OSBPL3: variants seen among roughly 807,000 people sequenced by gnomAD.
OSBPL3 encodes the protein oxysterol binding protein like 3, also known as oxysterol-binding protein-related protein 3.
OSBPL3 carries 65 observed loss-of-function variants against 120.1 expected under a neutral mutation model. The ratio of observed to expected loss-of-function variants is 0.54; its 90% CI spans 0.44 to 0.67. OSBPL3 has a LOEUF of 0.67. Ranked by LOEUF, OSBPL3 falls within the 30% of genes least tolerant of loss-of-function variation. The pLI is 0.00. For missense variants in OSBPL3, 1,004 were observed against 1,082.1 expected (o/e 0.93, Z 1.01); for synonymous variants, 416 against 402.6 (o/e 1.03, Z -0.40).
At chr7:24,870,899 C>G (rs886962940) in intron 4 of OSBPL3, 54 bp from the exon 5 acceptor site, 2 of 1,108,680 alleles carry the variant, frequency 1.8e-6, no homozygotes, top group African/African-American at 1.5e-5. Context: ...AAGCAGTAGT[C>G]ACATCCCTGA....
chr7:24,866,220 G>T lies in OSBPL3; in HGVS notation c.399C>A (p.Val133=), dbSNP rs944588574. 26 of 1,608,252 alleles carry T rather than the reference G, an allele frequency of 1.6e-5. No individual in the cohort carries two copies. Among genetic ancestry groups the T allele is most frequent in the Non-Finnish European group, 2.2e-5 (26 of 1,174,832 alleles). The part of the protein sequence containing the change: ...IYHLKVKSEE[V]FDEWVSKLRH... ...GAAGTTTCGATACCCACTCATCAAA[G>T]ACTTCTTCTGACTTGACCTATAATA... The change falls in exon 6 of 23, where the codon GTC becomes GTA. Residue 133 remains valine, a synonymous_variant. Transcript: ENST00000313367.
intron 19 of OSBPL3, among the ~76,000 whole-genome samples, chr7:24,814,218 G>C (rs915437703): frequency 3.9e-5 from 6 of 152,112 alleles, no homozygotes; most frequent in African/African-American, 1.4e-4. Flanking sequence ...AGGCCAGTGT[G>C]GCCAGAGGAC....
chr7:24,860,733 C>T (rs1340956050), intron 10 of OSBPL3, among the ~76,000 whole-genome samples: 1 of 152,180 alleles, frequency 6.6e-6, no homozygotes, highest in Non-Finnish European at 1.5e-5. Flanking sequence ...TGAGATCCAT[C>T]CAAGTTGCTA....
intron 1 of OSBPL3, among the ~76,000 whole-genome samples, chr7:24,931,809 G>C (rs1178952936): frequency 6.6e-6 from 1 of 152,172 alleles, no homozygotes; most frequent in Non-Finnish European, 1.5e-5. Flanking sequence ...GAAACAGCAT[G>C]TGAAAAAGCA....
rs1812864150 is a variant in OSBPL3 at position 24,939,797 on chromosome 7, G to C, written c.-150+40089C>G. Among the ~76,000 whole-genome samples the C allele has an allele frequency of 6.6e-6, 1 of 152,076 alleles. No homozygotes were observed. The highest frequency in any genetic ancestry group is 6.5e-5 in the Admixed American group (1 of 15,280). ...TGACCCAGTTCAGTCACTGAGAAGG[G>C]GGAAAAAATCAGTAACAGGGGGCTA... On this transcript the variant is annotated intron_variant, in intron 1 of 22. Transcript: ENST00000313367. This position sits in a 1 kb window ranked among gnomAD's most constrained non-coding sequence, Gnocchi z 4.2.
chr7:24,928,925 T>C (rs900658712), intron 1 of OSBPL3, among the ~76,000 whole-genome samples: 17 of 152,236 alleles, frequency 1.1e-4, no homozygotes, highest in African/African-American at 4.1e-4. Context: ...GATGAACATT[T>C]GAGTTGTTTC....
intron 1 of OSBPL3, among the ~76,000 whole-genome samples, chr7:24,893,864 T>A (rs1584531279): frequency 6.6e-6 from 1 of 152,164 alleles, no homozygotes; most frequent in African/African-American, 2.4e-5. Flanking sequence ...CCCACAGCCC[T>A]GGGTTAAGAG....
At chr7:24,921,410 G>C (rs1810365638) in intron 1 of OSBPL3, among the ~76,000 whole-genome samples, 1 of 152,202 alleles carries the variant, frequency 6.6e-6, no homozygotes, top group South Asian at 2.1e-4. Flanking sequence ...TTTTGAGGCT[G>C]AGTTCCAAAA....
rs145826184 is a variant in OSBPL3 at position 24,889,956 on chromosome 7, A to G, written c.96+2421T>C. ...GGAACAGAAGGCCCTTGCTGCAAAT[A>G]TTAGACTTGACTCTGCACTGGGGTC... On this transcript the variant is annotated intron_variant, in intron 2 of 22. Transcript: ENST00000313367. Among the ~76,000 whole-genome samples the G allele has an allele frequency of 1.1e-3, 172 of 152,288 alleles. 1 individual carries two copies. The highest frequency in any genetic ancestry group is 3.8e-3 in the African/African-American group (159 of 41,548).
chr7:24,844,774 T>C (rs139216383), intron 12 of OSBPL3, among the ~76,000 whole-genome samples: 2,900 of 152,312 alleles, frequency 0.019, 27 homozygotes, highest in African/African-American at 0.034. Context: ...GAAGTCGATA[T>C]GAATGTGGAA....
chr7:24,807,003 T>C, intron 20 of OSBPL3, 101 bp from the exon 21 acceptor site: 2 of 960,386 alleles, frequency 2.1e-6, no homozygotes, highest in Non-Finnish European at 3.1e-6. Flanking sequence ...AATTTTTCTC[T>C]CTCAGCTCCC....
intron 19 of OSBPL3, among the ~76,000 whole-genome samples, chr7:24,811,042 C>T (rs767203644): frequency 6.6e-6 from 1 of 152,124 alleles, no homozygotes; most frequent in Non-Finnish European, 1.5e-5. Context: ...GGATATACAC[C>T]CAGTAGTGGG....
rs555451170 is a variant in OSBPL3, at chr7:24,833,860, T to C, written c.1746+626A>G. On this transcript the variant is annotated intron_variant, in intron 15 of 22. Transcript: ENST00000313367. This position sits in a 1 kb window ranked among gnomAD's most constrained non-coding sequence, Gnocchi z 4.4. The stretch of plus-strand genomic sequence containing the variant: ...AGATGGGGGAAAGATGAGAAATACT[T>C]GGAAGCCCTTTTAAAAGCCAGCATG... 6.6e-6 allele frequency among the ~76,000 whole-genome samples: 1 copy of C among 152,280 alleles called. No individual in the cohort carries two copies. Among genetic ancestry groups the C allele is most frequent in the African/African-American group, 2.4e-5 (1 of 41,562 alleles).
Position 24,848,325 on chromosome 7 carries a change from C to T in OSBPL3, c.1266+744G>A, listed in dbSNP as rs2128220627. ...CCTTACATTTTTTATTTTAAGTGTA[C>T]TCAGTCTAATTCATTTGTTAATAAA... On this transcript the variant is annotated intron_variant, in intron 12 of 22. Coordinates refer to ENST00000313367, the MANE Select transcript of OSBPL3 (RefSeq NM_015550.4). 2.0e-5 allele frequency among the ~76,000 whole-genome samples: 3 copies of T among 152,290 alleles called. No homozygotes were observed. The South Asian group carries it at 6.2e-4, about 32-fold the overall frequency.
In OSBPL3 at chr7:24,862,302, T is replaced by C. The variant is rs897498746; in HGVS notation, c.871-533A>G. Among the ~76,000 whole-genome samples the C allele has an allele frequency of 1.9e-4, 29 of 152,220 alleles. No homozygotes were observed. The highest frequency in any genetic ancestry group is 6.5e-4 in the African/African-American group (27 of 41,454). On this transcript the variant is annotated intron_variant, in intron 9 of 22. Transcript: ENST00000313367. The surrounding 1 kb of genome is among the most constrained non-coding windows in gnomAD (Gnocchi z 4.4). ...AAATGGGTGAGAAATCACATATTCT[T>C]TTGGAAATGATAGAAGCATTAAAGC...
intron 12 of OSBPL3, among the ~76,000 whole-genome samples, chr7:24,844,947 A>G (rs1798220914): frequency 6.6e-6 from 1 of 152,206 alleles, no homozygotes. Flanking sequence ...TCTTTGAGAC[A>G]GTGAACTGTA....
At chr7:24,962,961 A>G (rs1815957343) in intron 1 of OSBPL3, among the ~76,000 whole-genome samples, 1 of 152,232 alleles carries the variant, frequency 6.6e-6, no homozygotes, top group African/African-American at 2.4e-5. Context: ...AAGTTTTTAA[A>G]TATTTTTGAA....
At chr7:24,956,586 C>T (rs1815079881) in intron 1 of OSBPL3, among the ~76,000 whole-genome samples, 1 of 152,186 alleles carries the variant, frequency 6.6e-6, no homozygotes, top group Non-Finnish European at 1.5e-5. Flanking sequence ...GGCATATATA[C>T]ATCTATCAAG....
At chr7:24,927,969 G>C (rs903146518) in intron 1 of OSBPL3, among the ~76,000 whole-genome samples, 2 of 152,158 alleles carry the variant, frequency 1.3e-5, no homozygotes, top group African/African-American at 2.4e-5. Flanking sequence ...GGATCATGGA[G>C]ATAAATTTCC....
Sources: gnomAD v4.1 joint callset for allele counts (sites outside exome capture counted in the v4.1 genomes callset) on GRCh38, gnomAD v4.1.1 for gene constraint, Gnocchi (gnomAD v3.1) non-coding constraint, MANE v1.5 for transcripts, NCBI Gene and HGNC (gene_info 2026-07-23, HGNC 2026-07-21) for gene names.